Variants in UGT2B7 observed in about 807,000 individuals in gnomAD.
The protein encoded by UGT2B7 is UDP glucuronosyltransferase family 2 member B7.
In UGT2B7, 51 loss-of-function variants were observed where a neutral mutation model predicts 51.9. The observed-to-expected ratio is 0.98, with a 90% CI of 0.78 to 1.24. The LOEUF is 1.24. Ranked by LOEUF, UGT2B7 falls within the 50% of genes most tolerant of loss-of-function variation. The pLI, the probability that UGT2B7 is intolerant of heterozygous loss-of-function variation, is 0.00. For missense variants in UGT2B7, 727 were observed against 628.4 expected, an observed-to-expected ratio of 1.16 and a Z score of -1.68; for synonymous variants, 225 against 211.6, an observed-to-expected ratio of 1.06 and a Z score of -0.55.
At chr4:69,063,305 C>A (rs1373865406) in intron 1 of UGT2B7, among the ~76,000 whole-genome samples, 1 of 106,314 alleles carries the variant, frequency 9.4e-6, no homozygotes, top group Non-Finnish European at 1.8e-5. Flanking sequence ...GGCGACAGAG[C>A]GAGACTCCGT....
Position 69,096,862 on chromosome 4 carries a change from A to C in UGT2B7, c.342A>C (p.Glu114Asp). ...GGTTATATTTTTCACAAGTACAGGA[A>C]ATCATGTCAATATTTGGTGACATAA... Reference protein sequence around the residue: ...TFWLYFSQVQEIMSIFGDITR... With the variant: ...TFWLYFSQVQDIMSIFGDITR... Residue 114 changes from glutamate (E) to aspartate (D), a missense_variant, in exon 1 of 6, where the codon GAA becomes GAC. Glu to Asp is a conservative substitution (Grantham distance 45). Coordinates refer to ENST00000305231, the MANE Select transcript of UGT2B7 (RefSeq NM_001074.4). The C allele has an allele frequency of 6.2e-7, 1 of 1,613,638 alleles. No homozygotes were observed. The highest frequency in any genetic ancestry group is 8.5e-7 in the Non-Finnish European group (1 of 1,179,840).
intron 1 of UGT2B7, among the ~76,000 whole-genome samples, chr4:69,053,040 A>C (rs1392370227): frequency 1.3e-5 from 2 of 152,224 alleles, no homozygotes; most frequent in Non-Finnish European, 2.9e-5. Flanking sequence ...ACATAAAAGT[A>C]AAAATGCAAC....
chr4:69,104,243 C>T (rs1719522791), intron 3 of UGT2B7, among the ~76,000 whole-genome samples: 1 of 152,196 alleles, frequency 6.6e-6, no homozygotes, highest in Non-Finnish European at 1.5e-5. Context: ...GCCAAGATCA[C>T]ACCAATGCAC....
At chr4:69,055,086 T>G (rs1577904004) in intron 1 of UGT2B7, among the ~76,000 whole-genome samples, 1 of 30,588 alleles carries the variant, frequency 3.3e-5, no homozygotes, top group Non-Finnish European at 5.8e-5. Flanking sequence ...GTGACAGAAG[T>G]AAAGTAATAG....
chr4:69,108,896 G>A (rs1250485206), intron 5 of UGT2B7, among the ~76,000 whole-genome samples: 2 of 152,002 alleles, frequency 1.3e-5, no homozygotes, highest in East Asian at 1.9e-4. Context: ...TGACACAGAA[G>A]TCACTTCCTA....
chr4:69,091,795 C>T (rs183494991), upstream of UGT2B7, among the ~76,000 whole-genome samples: 282 of 152,184 alleles, frequency 1.9e-3, 2 homozygotes, highest in African/African-American at 6.4e-3. Context: ...TAGAAAGGGG[C>T]CACAAAGTAA....
chr4:69,065,099 G>A (rs1185378812), intron 1 of UGT2B7, among the ~76,000 whole-genome samples: 11 of 150,472 alleles, frequency 7.3e-5, no homozygotes, highest in Admixed American at 6.6e-5. Context: ...AGTAGGTATC[G>A]AAAAAAAAAT....
chr4:69,106,177 G>C (rs910178139), intron 3 of UGT2B7, among the ~76,000 whole-genome samples: 6 of 151,844 alleles, frequency 4.0e-5, no homozygotes, highest in Non-Finnish European at 8.8e-5. Flanking sequence ...TGTGTCATGG[G>C]GGGTTATTGT....
upstream of UGT2B7, among the ~76,000 whole-genome samples, chr4:69,093,234 A>G (rs866359773): frequency 6.6e-6 from 1 of 152,198 alleles, no homozygotes; most frequent in Non-Finnish European, 1.5e-5. Context: ...CAGTCTGGCC[A>G]TGTTTTGGTA....
At chr4:69,095,187 G>T (rs1719188325), upstream of UGT2B7, among the ~76,000 whole-genome samples, 1 of 152,196 alleles carries the variant, frequency 6.6e-6, no homozygotes, top group South Asian at 2.1e-4. Flanking sequence ...TTTAATAATT[G>T]CAGGGCACTG....
chr4:69,108,413 C>G (rs1719677663), intron 5 of UGT2B7, 91 bp downstream of exon 5: 1 of 1,379,238 alleles, frequency 7.3e-7, no homozygotes, highest in Non-Finnish European at 9.8e-7. Flanking sequence ...TTATAAGAGA[C>G]TAATTTTGAA....
At chr4:69,087,904 A>G (rs1001624499) in intron 1 of UGT2B7, among the ~76,000 whole-genome samples, 3 of 151,990 alleles carry the variant, frequency 2.0e-5, no homozygotes, top group African/African-American at 7.2e-5. Flanking sequence ...TAACAATTTA[A>G]ATAGGATGTG....
chr4:69,076,700 C>G (rs980573658), intron 1 of UGT2B7, among the ~76,000 whole-genome samples: 10 of 151,942 alleles, frequency 6.6e-5, no homozygotes, highest in African/African-American at 2.4e-4. Context: ...GTCAGATGGA[C>G]AGATTAAAAA....
chr4:69,071,030 T>C (rs1217872751), intron 1 of UGT2B7, among the ~76,000 whole-genome samples: 1 of 152,190 alleles, frequency 6.6e-6, no homozygotes, highest in Admixed American at 6.6e-5. Context: ...AGACTAAAGA[T>C]GTTTTCCACA....
chr4:69,091,165 T>A (rs897218899), intron 2 of UGT2B7, among the ~76,000 whole-genome samples: 22 of 152,222 alleles, frequency 1.4e-4, no homozygotes, highest in African/African-American at 4.8e-4. Flanking sequence ...GTACTTGTGT[T>A]TTTTCTCTGG....
intron 1 of UGT2B7, among the ~76,000 whole-genome samples, chr4:69,082,869 G>A (rs1718868691): frequency 1.3e-5 from 2 of 152,002 alleles, no homozygotes; most frequent in Non-Finnish European, 2.9e-5. Context: ...AGCTAAAGAG[G>A]GGAAGTCAAT....
chr4:69,051,847 G>A (rs181619537), intron 1 of UGT2B7, among the ~76,000 whole-genome samples: 6 of 152,290 alleles, frequency 3.9e-5, no homozygotes, highest in Non-Finnish European at 8.8e-5. Context: ...CTTTGGTTTC[G>A]GTTTTTGGCC....
intron 2 of UGT2B7, among the ~76,000 whole-genome samples, chr4:69,102,347 C>T (rs997068178): frequency 1.3e-5 from 2 of 152,070 alleles, no homozygotes; most frequent in South Asian, 4.1e-4. Context: ...AAACCACTAA[C>T]TGTTTCCAAC....
intron 1 of UGT2B7, among the ~76,000 whole-genome samples, chr4:69,076,562 T>C (rs1178994418): frequency 6.6e-6 from 1 of 152,240 alleles, no homozygotes; most frequent in Non-Finnish European, 1.5e-5. Context: ...CATATGTTTG[T>C]TGGCTATGTA....
Sources: allele counts gnomAD v4.1 joint callset (sites outside exome capture counted in the v4.1 genomes callset), GRCh38; gene constraint gnomAD v4.1.1; transcripts MANE v1.5; gene names NCBI Gene and HGNC (gene_info 2026-07-23, HGNC 2026-07-21).